PKHD1: variants seen among roughly 807,000 people sequenced by gnomAD.
The protein encoded by PKHD1 is fibrocystin.
A neutral mutation model predicts 412.0 loss-of-function variants in PKHD1; 291 were observed. That is an observed-to-expected ratio of 0.71 (90% CI 0.64 to 0.78). PKHD1 has a LOEUF of 0.78. PKHD1 is among the 30% of genes least tolerant of loss of function. PKHD1 has a pLI of 0.00. For missense variants in PKHD1, 4,825 were observed against 4,950.7 expected (o/e 0.97, Z 0.76); for synonymous variants, 1,777 against 1,821.5 (o/e 0.98, Z 0.62).
chr6:52,050,297 T>C lies in PKHD1; in HGVS notation c.2141-2A>G. The C allele has an allele frequency of 6.2e-7, 1 of 1,614,054 alleles. No individual in the cohort carries two copies. Among genetic ancestry groups the C allele is most frequent in the Non-Finnish European group, 8.5e-7 (1 of 1,179,920 alleles). On this transcript the variant is annotated splice_acceptor_variant, in intron 21 of 66. Transcript: ENST00000371117. LOFTEE classifies it high-confidence loss of function. Reference sequence around the variant, plus strand: ...CCGTTCCAGAATCAGCTTGAGAAACTAGAGACCAGTGATCCAATTACTATC... The same window carrying C: ...CCGTTCCAGAATCAGCTTGAGAAACCAGAGACCAGTGATCCAATTACTATC...
At chr6:52,078,686 T>A (rs1562297628) in intron 5 of PKHD1, among the ~76,000 whole-genome samples, 1 of 152,150 alleles carries the variant, frequency 6.6e-6, no homozygotes, top group Non-Finnish European at 1.5e-5. Flanking sequence ...GTTTCTCTTA[T>A]TTCCCCCTCT....
chr6:52,006,908 C>T (rs1333770453), intron 35 of PKHD1, among the ~76,000 whole-genome samples: 2 of 152,148 alleles, frequency 1.3e-5, no homozygotes, highest in South Asian at 2.1e-4. Flanking sequence ...ATCTTCATAG[C>T]TTAGCTCCCA....
chr6:51,793,633 G>A (rs756948193), intron 52 of PKHD1, among the ~76,000 whole-genome samples: 29 of 152,170 alleles, frequency 1.9e-4, no homozygotes, highest in South Asian at 4.1e-4. Flanking sequence ...TTCTGTTCCC[G>A]TGTTAGGTTG....
intron 53 of PKHD1, among the ~76,000 whole-genome samples, chr6:51,781,132 T>A (rs1031466720): frequency 6.6e-6 from 1 of 152,156 alleles, no homozygotes; most frequent in African/African-American, 2.4e-5. Context: ...TCTAGAACCT[T>A]CTTACTATCA....
chr6:51,689,970 T>G (rs1365692329), intron 60 of PKHD1, among the ~76,000 whole-genome samples: 1 of 152,158 alleles, frequency 6.6e-6, no homozygotes, highest in Non-Finnish European at 1.5e-5. Context: ...ATTGAAATTC[T>G]TCACAGAACT....
chr6:52,007,353 A>G (rs1176470309), intron 35 of PKHD1, among the ~76,000 whole-genome samples: 1 of 152,166 alleles, frequency 6.6e-6, no homozygotes. Flanking sequence ...GTTCCCACAC[A>G]AGGAATTCTT....
chr6:51,692,576 C>G (rs1028564858), intron 60 of PKHD1, among the ~76,000 whole-genome samples: 2 of 152,160 alleles, frequency 1.3e-5, no homozygotes, highest in Non-Finnish European at 2.9e-5. Context: ...CACAAGTGAC[C>G]TTGTCCCAGT....
At chr6:52,007,727 A>T (rs1304497321) in intron 35 of PKHD1, among the ~76,000 whole-genome samples, 2 of 152,206 alleles carry the variant, frequency 1.3e-5, no homozygotes, top group Non-Finnish European at 2.9e-5. Context: ...TTCCTAAATC[A>T]AACCAAACCA....
At position 51,756,207 on chromosome 6, in the gene PKHD1, G is replaced by A. The variant is rs534033962; in HGVS notation, c.8643-1269C>T. Among the ~76,000 whole-genome samples, 113 of 152,224 alleles carry A rather than the reference G, an allele frequency of 7.4e-4. 1 individual carries two copies. The highest frequency in any genetic ancestry group is 1.5e-3 in the Non-Finnish European group (103 of 67,992). ...TTTAATGAAGGAATTTAGAGTCTTA[G>A]CTCTGTTCCTGATTTGCTATGACTT... On this transcript the variant is annotated intron_variant, in intron 55 of 66. Transcript: ENST00000371117.
intron 54 of PKHD1, among the ~76,000 whole-genome samples, chr6:51,774,909 T>C (rs57015192): frequency 0.18 from 27,915 of 151,622 alleles, 3,371 homozygotes; most frequent in African/African-American, 0.34. Flanking sequence ...TTTTTTCTTT[T>C]AGTTAATTTT....
At chr6:51,650,577 G>T (rs138911268) in intron 61 of PKHD1, among the ~76,000 whole-genome samples, 1 of 152,214 alleles carries the variant, frequency 6.6e-6, no homozygotes, top group East Asian at 1.9e-4. Flanking sequence ...TAATATGGAG[G>T]GTGCATGTCA....
At chr6:52,022,745 GAA>G in intron 33 of PKHD1, 54 bp downstream of exon 33, 1 of 1,568,768 alleles carries the variant, frequency 6.4e-7, no homozygotes, top group Non-Finnish European at 8.8e-7. Flanking sequence ...ATTAACCAAA[GAA>G]TATCATTTCC....
At chr6:51,676,007 C>T (rs995015605) in intron 60 of PKHD1, among the ~76,000 whole-genome samples, 2 of 151,948 alleles carry the variant, frequency 1.3e-5, no homozygotes, top group Non-Finnish European at 2.9e-5. Flanking sequence ...AAGCTACAGA[C>T]GTAGAAACCA....
At chr6:51,846,586 G>A (rs1562449938) in intron 50 of PKHD1, among the ~76,000 whole-genome samples, 1 of 152,160 alleles carries the variant, frequency 6.6e-6, no homozygotes, top group Admixed American at 6.5e-5. Flanking sequence ...GTATAGAAAA[G>A]GAATATGAAA....
chr6:51,989,294 T>G (rs1249661774), intron 35 of PKHD1, among the ~76,000 whole-genome samples: 1 of 152,230 alleles, frequency 6.6e-6, no homozygotes, highest in African/African-American at 2.4e-5. Context: ...TCTCCCTTCT[T>G]TGCTTTTTCT....
At chr6:51,982,316 C>T (rs377319184) in intron 35 of PKHD1, among the ~76,000 whole-genome samples, 1 of 54,552 alleles carries the variant, frequency 1.8e-5, no homozygotes, top group African/African-American at 4.2e-5. Flanking sequence ...GTGTGCCCAG[C>T]GGCTCACTGG....
intron 60 of PKHD1, among the ~76,000 whole-genome samples, chr6:51,678,834 T>C (rs1776231770): frequency 6.6e-6 from 1 of 152,124 alleles, no homozygotes; most frequent in Admixed American, 6.6e-5. Context: ...ATTTATTTAT[T>C]TATTTAGCTA....
intron 34 of PKHD1, among the ~76,000 whole-genome samples, chr6:52,014,700 AGATGGATG>A (rs55925667): frequency 0.1 from 8,322 of 79,832 alleles, 409 homozygotes; most frequent in African/African-American, 0.13. Context: ...TATACTGGAT[AGATGGATG>A]GATGGATGGA....
chr6:51,740,063 C>T (rs867198970), intron 60 of PKHD1: 2 of 517,254 alleles, frequency 3.9e-6, no homozygotes, highest in Middle Eastern at 3.4e-4. Flanking sequence ...CCTCCATAAT[C>T]AAAAGAAATC....
Sources: gnomAD v4.1 joint callset for allele counts (sites outside exome capture counted in the v4.1 genomes callset) on GRCh38, gnomAD v4.1.1 for gene constraint, MANE v1.5 for transcripts, NCBI Gene and HGNC (gene_info 2026-07-23, HGNC 2026-07-21) for gene names.